Variants in PTPN2 observed in about 807,000 individuals in gnomAD.
PTPN2 encodes the protein tyrosine-protein phosphatase non-receptor type 2.
In PTPN2, 19 loss-of-function variants were observed where a neutral mutation model predicts 57.3. The ratio of observed to expected loss-of-function variants is 0.33; its 90% CI spans 0.23 to 0.49. The LOEUF (loss-of-function observed/expected upper bound fraction) is 0.49, where lower values mean the gene tolerates loss of function less well. Ranked by LOEUF, PTPN2 falls within the 20% of genes least tolerant of loss-of-function variation. The pLI is 0.99. For missense variants in PTPN2, 358 were observed against 501.1 expected (o/e 0.71, Z 2.73); for synonymous variants, 153 against 164.9 (o/e 0.93, Z 0.55).
intron 8 of PTPN2, among the ~76,000 whole-genome samples, chr18:12,796,623 C>T (rs2041200389): frequency 6.6e-6 from 1 of 152,194 alleles, no homozygotes; most frequent in Non-Finnish European, 1.5e-5. Context: ...AGCAATTCCA[C>T]TCCTAGATAT....
At chr18:12,813,033 AAG>A (rs981231628) in intron 7 of PTPN2, among the ~76,000 whole-genome samples, 6 of 151,924 alleles carry the variant, frequency 3.9e-5, no homozygotes, top group African/African-American at 1.2e-4. Flanking sequence ...AAAAAAAAAA[AAG>A]CAGTGGTAGG....
At chr18:12,828,894 A>T (rs1478655858) in intron 4 of PTPN2, among the ~76,000 whole-genome samples, 2 of 152,020 alleles carry the variant, frequency 1.3e-5, no homozygotes, top group Non-Finnish European at 2.9e-5. Flanking sequence ...CATTACAGAC[A>T]GCAAAAAAAA....
chr18:12,871,364 C>T (rs1300641695), intron 1 of PTPN2, among the ~76,000 whole-genome samples: 2 of 152,000 alleles, frequency 1.3e-5, no homozygotes, highest in Non-Finnish European at 2.9e-5. Flanking sequence ...TCATCTTTGT[C>T]TGATAGGTGA....
intron 2 of PTPN2, chr18:12,841,071 A>C: frequency 8.6e-7 from 1 of 1,157,308 alleles, no homozygotes; most frequent in East Asian, 3.1e-5. Context: ...AAAAGAAATT[A>C]TATTAAGCCG....
Position 12,793,555 on chromosome 18 carries a change from T to C in PTPN2, c.*723A>G. 1.0e-6 allele frequency: 1 copy of C among 980,608 alleles called. No individual in the cohort carries two copies. The highest frequency in any genetic ancestry group is 1.2e-6 in the Non-Finnish European group (1 of 824,990). 60.7% of individuals were successfully genotyped at this position (980,608 alleles called of 1,614,324 possible). Reference sequence around the variant, plus strand: ...AAACTTTTGTTTCTTTGTTTGCTTTTCTTTTTAAAATGGGGAAAACTGTAA... The same window carrying C: ...AAACTTTTGTTTCTTTGTTTGCTTTCCTTTTTAAAATGGGGAAAACTGTAA... On this transcript the variant is annotated 3_prime_UTR_variant, in exon 9 of 9. Transcript: ENST00000309660.
At chr18:12,837,928 A>C (rs1364046300) in intron 2 of PTPN2, among the ~76,000 whole-genome samples, 1 of 152,216 alleles carries the variant, frequency 6.6e-6, no homozygotes, top group East Asian at 1.9e-4. Context: ...AAAAACTAAG[A>C]TCTTGTTATA....
At chr18:12,831,833 A>C (rs1372206040) in intron 3 of PTPN2, among the ~76,000 whole-genome samples, 1 of 152,212 alleles carries the variant, frequency 6.6e-6, no homozygotes, top group Non-Finnish European at 1.5e-5. Context: ...ATAAAAGCAA[A>C]ATATTTCATG....
At chr18:12,835,384 T>TTC (rs2042824592) in intron 3 of PTPN2, among the ~76,000 whole-genome samples, 1 of 140,290 alleles carries the variant, frequency 7.1e-6, no homozygotes, top group African/African-American at 2.7e-5. Context: ...ACATATGTCT[T>TTC]TTTTTTTTTT....
At position 12,792,376 on chromosome 18, in the gene PTPN2, G is replaced by A. The variant is rs988116660; in HGVS notation, c.*1902C>T. On this transcript the variant is annotated 3_prime_UTR_variant, in exon 9 of 9. Transcript: ENST00000309660. ...CGGCTCACTGCAACCTCTGCCTCCC[G>A]GGTTCAAGTGATTCTCCTGCCTTAG... The A allele has an allele frequency of 9.3e-6, 3 of 323,568 alleles. No individual in the cohort carries two copies. The highest frequency in any genetic ancestry group is 1.2e-4 in the South Asian group (1 of 8,028). 20.0% of individuals were successfully genotyped at this position (323,568 alleles called of 1,614,324 possible). A position where few individuals can be genotyped will look rare whatever the true frequency, so the allele number is the denominator to read the frequency against.
chr18:12,845,570 TC>T (rs2145427021), intron 2 of PTPN2, among the ~76,000 whole-genome samples: 1 of 152,342 alleles, frequency 6.6e-6, no homozygotes, highest in Non-Finnish European at 1.5e-5. Context: ...ACTTATTAGT[TC>T]TAGGACATTG....
In PTPN2 at chr18:12,793,485, A is replaced by T. The variant is rs2041044864; in HGVS notation, c.*793T>A. On this transcript the variant is annotated 3_prime_UTR_variant, in exon 9 of 9. Transcript: ENST00000309660. ...AAAGTCTTGACCAACTGTTTACCTGACTATCCCAGTAAGGAGAATTTTCCT... is the reference window on the plus strand; with the variant it reads ...AAAGTCTTGACCAACTGTTTACCTGTCTATCCCAGTAAGGAGAATTTTCCT... The T allele has an allele frequency of 6.1e-6, 6 of 978,390 alleles. No homozygotes were observed. The Admixed American group carries it at 3.7e-4, about 60-fold the overall frequency. 60.6% of individuals were successfully genotyped at this position (978,390 alleles called of 1,614,324 possible).
intron 9 of PTPN2, chr18:12,786,914 A>ACT (rs2040857853): frequency 1.3e-5 from 2 of 152,348 alleles, no homozygotes; most frequent in Middle Eastern, 3.4e-3. Flanking sequence ...GCCCACAACT[A>ACT]CTATGGGTGT....
At position 12,794,323 on chromosome 18, in the gene PTPN2, G is replaced by T; in HGVS notation, c.1203C>A (p.Gly401=). ...AAAACAGTGTCCAGCCAACAAAAGC[G>T]CCAACCAAAATGACTGACATAAACC... ...KMGFMSVILV[G]AFVGWTLFFQ... The change falls in exon 9 of 9, where the codon GGC becomes GGA. Residue 401 remains glycine, a synonymous_variant. Transcript: ENST00000309660. The T allele has an allele frequency of 1.2e-6, 2 of 1,614,122 alleles. No homozygotes were observed. The highest frequency in any genetic ancestry group is 1.7e-6 in the Non-Finnish European group (2 of 1,179,996).
intron 5 of PTPN2, chr18:12,819,399 A>G: frequency 2.2e-6 from 1 of 454,022 alleles, no homozygotes; most frequent in Non-Finnish European, 3.9e-6. Context: ...TAAAGGCTAT[A>G]TACTATACTA....
intron 7 of PTPN2, among the ~76,000 whole-genome samples, chr18:12,802,460 A>G (rs1346463235): frequency 6.6e-6 from 1 of 152,202 alleles, no homozygotes; most frequent in Non-Finnish European, 1.5e-5. Context: ...ACCACACTCA[A>G]CTATTAGTCA....
At chr18:12,859,043 C>G in intron 2 of PTPN2, 121 bp downstream of exon 2, 2 of 612,006 alleles carry the variant, frequency 3.3e-6, no homozygotes, top group South Asian at 2.6e-5. Context: ...ACGTGTCTTA[C>G]GTAAATAGGA....
At chr18:12,834,805 G>A (rs756525301) in intron 3 of PTPN2, among the ~76,000 whole-genome samples, 2 of 152,164 alleles carry the variant, frequency 1.3e-5, no homozygotes, top group African/African-American at 4.8e-5. Context: ...AGTGATAATG[G>A]AGAAGAACAG....
chr18:12,857,863 A>C (rs548001613), intron 2 of PTPN2, among the ~76,000 whole-genome samples: 2 of 152,248 alleles, frequency 1.3e-5, no homozygotes, highest in African/African-American at 4.8e-5. Flanking sequence ...AAAAGCATTA[A>C]GAGAAACATA....
chr18:12,831,116 G>T, intron 3 of PTPN2, 75 bp from the exon 4 acceptor site: 2 of 998,460 alleles, frequency 2.0e-6, no homozygotes, highest in Non-Finnish European at 1.6e-6. Flanking sequence ...GCCTTGTTAA[G>T]TCTGCTCCTG....
Sources: allele counts gnomAD v4.1 joint callset (sites outside exome capture counted in the v4.1 genomes callset), GRCh38; gene constraint gnomAD v4.1.1; transcripts MANE v1.5; gene names NCBI Gene and HGNC (gene_info 2026-07-23, HGNC 2026-07-21).